MACROD2: variants seen among roughly 807,000 people sequenced by gnomAD.
The protein encoded by MACROD2 is ADP-ribose glycohydrolase MACROD2.
Under a neutral mutation model 70.4 loss-of-function variants are expected in MACROD2, and 36 were observed. That is an observed-to-expected ratio of 0.51 (90% CI 0.39 to 0.68). The LOEUF is 0.68. Ranked by LOEUF, MACROD2 falls within the 30% of genes least tolerant of loss-of-function variation. The pLI is 0.00. For synonymous variants in MACROD2, 172 were observed against 178.8 expected, an observed-to-expected ratio of 0.96 and a Z score of 0.30; for missense variants, 496 against 538.4, an observed-to-expected ratio of 0.92 and a Z score of 0.78.
At chr20:15,355,280 T>C (rs2078273838) in intron 6 of MACROD2, among the ~76,000 whole-genome samples, 1 of 152,194 alleles carries the variant, frequency 6.6e-6, no homozygotes, top group African/African-American at 2.4e-5. Flanking sequence ...AATATCGAGG[T>C]TCCCACAACC....
intron 8 of MACROD2, among the ~76,000 whole-genome samples, chr20:15,551,694 C>A (rs1600576961): frequency 1.3e-5 from 2 of 151,876 alleles, no homozygotes; most frequent in African/African-American, 2.4e-5. Flanking sequence ...CATGGCGGAA[C>A]CCCGTCTCTA....
At chr20:14,722,144 TG>T (rs749822950) in intron 5 of MACROD2, among the ~76,000 whole-genome samples, 9 of 152,224 alleles carry the variant, frequency 5.9e-5, no homozygotes, top group Non-Finnish European at 8.8e-5. Context: ...TCTCATTTTT[TG>T]ATGATCAGTG....
At chr20:15,536,745 G>C (rs184807488) in intron 8 of MACROD2, among the ~76,000 whole-genome samples, 1 of 152,186 alleles carries the variant, frequency 6.6e-6, no homozygotes, top group Admixed American at 6.5e-5. Flanking sequence ...TCTTCGGTGC[G>C]TTTCTGGTGG....
At chr20:14,542,510 A>C (rs1805212171) in intron 4 of MACROD2, among the ~76,000 whole-genome samples, 3 of 152,180 alleles carry the variant, frequency 2.0e-5, no homozygotes, top group Non-Finnish European at 2.9e-5. Context: ...CATATTTATC[A>C]AAATTCAATG....
At chr20:15,419,863 C>G (rs1281728873) in intron 6 of MACROD2, among the ~76,000 whole-genome samples, 2 of 152,190 alleles carry the variant, frequency 1.3e-5, no homozygotes, top group Non-Finnish European at 2.9e-5. Context: ...ATTGAAGGGT[C>G]ACCATTTGGG....
At chr20:14,439,840 T>C (rs1414225529) in intron 3 of MACROD2, among the ~76,000 whole-genome samples, 1 of 152,198 alleles carries the variant, frequency 6.6e-6, no homozygotes, top group Non-Finnish European at 1.5e-5. Flanking sequence ...TGTTTTGTTT[T>C]ATTTTTGGTT....
chr20:15,388,274 G>C (rs399698), intron 6 of MACROD2, among the ~76,000 whole-genome samples: 1 of 151,732 alleles, frequency 6.6e-6, no homozygotes, highest in Non-Finnish European at 1.5e-5. Context: ...GGGAAAGAAA[G>C]TAATACAGAG....
chr20:14,681,443 T>C (rs2123587356), intron 4 of MACROD2, among the ~76,000 whole-genome samples: 1 of 152,236 alleles, frequency 6.6e-6, no homozygotes, highest in East Asian at 1.9e-4. Context: ...TCTAAATATA[T>C]ACAACACAGG....
intron 8 of MACROD2, among the ~76,000 whole-genome samples, chr20:15,648,710 G>A (rs1246619308): frequency 1.9e-4 from 29 of 150,970 alleles, no homozygotes; most frequent in Admixed American, 1.6e-3. Context: ...ATGGATGGGT[G>A]GATGGATGGT....
At chr20:14,989,020 TGTAA>T (rs2074875834) in intron 5 of MACROD2, among the ~76,000 whole-genome samples, 1 of 152,196 alleles carries the variant, frequency 6.6e-6, no homozygotes, top group Non-Finnish European at 1.5e-5. Context: ...ACAATGTTTA[TGTAA>T]GTAATTAATT....
At chr20:15,230,572 G>C (rs1292628544) in intron 6 of MACROD2, among the ~76,000 whole-genome samples, 1 of 152,084 alleles carries the variant, frequency 6.6e-6, no homozygotes, top group African/African-American at 2.4e-5. Context: ...CCTGAATGTT[G>C]TTATTCTTTT....
At chr20:14,269,963 A>G (rs756958848) in intron 3 of MACROD2, among the ~76,000 whole-genome samples, 7 of 152,134 alleles carry the variant, frequency 4.6e-5, no homozygotes, top group South Asian at 2.1e-4. Context: ...GGGATATTAT[A>G]TAAGCTTTTT....
At chr20:14,551,398 G>T (rs977826916) in intron 4 of MACROD2, among the ~76,000 whole-genome samples, 1 of 152,196 alleles carries the variant, frequency 6.6e-6, no homozygotes, top group African/African-American at 2.4e-5. Context: ...TGAATGTCAT[G>T]AAAATGTTCT....
chr20:16,009,205 C>T (rs1269089397), intron 15 of MACROD2, among the ~76,000 whole-genome samples: 3 of 152,112 alleles, frequency 2.0e-5, no homozygotes, highest in Non-Finnish European at 4.4e-5. Flanking sequence ...CGATGTGCAC[C>T]CACTGCCTTT....
intron 5 of MACROD2, among the ~76,000 whole-genome samples, chr20:14,875,516 G>A (rs543654865): frequency 7.2e-5 from 11 of 152,248 alleles, no homozygotes; most frequent in African/African-American, 2.6e-4. Flanking sequence ...TTTTATTTTA[G>A]ATTTGGGGGG....
At position 14,520,946 on chromosome 20, in the gene MACROD2, C is replaced by T. The variant is rs914591636; in HGVS notation, c.301+27438C>T. On this transcript the variant is annotated intron_variant, in intron 4 of 17. Coordinates refer to ENST00000684519, the MANE Select transcript of MACROD2 (RefSeq NM_001351661.2). ...ACAGATACACACACAGACATGCACG[C>T]GTGCGTGCGCGCACACACACACACA... Among the ~76,000 whole-genome samples the T allele has an allele frequency of 1.1e-4, 12 of 107,354 alleles. No individual in the cohort carries two copies. The South Asian group carries it at 1.7e-3, about 15-fold the overall frequency. The allele number at this position is 107,354 out of a possible 152,430, so 70.4% of individuals were successfully genotyped here.
chr20:14,365,976 C>A lies in MACROD2; in HGVS notation c.272-127503C>A, dbSNP rs112136561. Among the ~76,000 whole-genome samples the A allele has an allele frequency of 5.5e-3, 832 of 152,214 alleles. 6 individuals are homozygous for A. The highest frequency in any genetic ancestry group is 0.019 in the African/African-American group (786 of 41,548). The stretch of plus-strand genomic sequence containing the variant: ...TGGTTGAGGAAGATACTTTGGATGA[C>A]TTCAATTTTTTAAAATTTATCATGA... On this transcript the variant is annotated intron_variant, in intron 3 of 17. Coordinates refer to ENST00000684519, the MANE Select transcript of MACROD2 (RefSeq NM_001351661.2).
At chr20:14,048,272 A>T (rs1158824340) in intron 2 of MACROD2, among the ~76,000 whole-genome samples, 1 of 152,184 alleles carries the variant, frequency 6.6e-6, no homozygotes, top group Non-Finnish European at 1.5e-5. Flanking sequence ...GAAGAAATGT[A>T]ACAATATGCA....
At chr20:14,131,042 T>G (rs2054712221) in intron 3 of MACROD2, among the ~76,000 whole-genome samples, 1 of 151,624 alleles carries the variant, frequency 6.6e-6, no homozygotes. Context: ...TTCCTGCCTC[T>G]GCCTCCTGAA....
Sources: allele counts gnomAD v4.1 joint callset (sites outside exome capture counted in the v4.1 genomes callset), GRCh38; gene constraint gnomAD v4.1.1; transcripts MANE v1.5; gene names NCBI Gene and HGNC (gene_info 2026-07-23, HGNC 2026-07-21).